Variants in DPF2 observed in about 807,000 individuals in gnomAD.
DPF2 encodes the protein zinc finger protein ubi-d4.
Under a neutral mutation model 59.6 loss-of-function variants are expected in DPF2, and 10 were observed. That is an observed-to-expected ratio of 0.17 (90% confidence interval 0.10 to 0.28). DPF2 has a LOEUF of 0.28. Among genes scored for constraint, DPF2 ranks in the 10% least tolerant of loss-of-function variants. The probability of loss-of-function intolerance (pLI) is 1.00; values close to 1 mark genes in which losing one functional copy is unlikely to be tolerated. For missense variants in DPF2, 315 were observed against 509.4 expected, an observed-to-expected ratio of 0.62 and a Z score of 3.67; for synonymous variants, 189 against 190.6, an observed-to-expected ratio of 0.99 and a Z score of 0.07.
chr11:65,344,628 C>T (rs1379934103), intron 6 of DPF2: 3 of 1,535,890 alleles, frequency 2.0e-6, no homozygotes, highest in South Asian at 2.4e-5. Context: ...AGAGGTAGCT[C>T]TCTCAACTTT....
chr11:65,351,315 T>C (rs886990608), intron 10 of DPF2, among the ~76,000 whole-genome samples: 2 of 152,204 alleles, frequency 1.3e-5, no homozygotes, highest in Non-Finnish European at 2.9e-5. Context: ...GGGACAATTA[T>C]TTTGTGTTTT....
At chr11:65,341,303 A>G in intron 3 of DPF2, 96 bp from the exon 4 acceptor site, 1 of 1,541,976 alleles carries the variant, frequency 6.5e-7, no homozygotes, top group Non-Finnish European at 8.8e-7. Flanking sequence ...AACAAAAGAT[A>G]GTGACAGACC....
chr11:65,345,733 G>A lies in DPF2; in HGVS notation c.705G>A (p.Glu235=). Residue 235 remains glutamate, a synonymous_variant, in exon 7 of 11, where the codon GAG becomes GAA. Transcript: ENST00000528416. ...ACTATGCCCACTCCCACTTGGCTGA[G>A]GAGGAGGGCGAGGACAAGGAAGACT... ...SYHYAHSHLA[E]EEGEDKEDSQ... The A allele has an allele frequency of 6.2e-7, 1 of 1,614,184 alleles. No homozygotes were observed. The highest frequency in any genetic ancestry group is 8.5e-7 in the Non-Finnish European group (1 of 1,180,032).
rs575071297 is a variant in DPF2, at chr11:65,344,410, G to A, written c.637+341G>A. On this transcript the variant is annotated intron_variant, in intron 6 of 10. Transcript: ENST00000528416. ...GGGGTCTGACACTGAGTTTTTCAAC[G>A]TCTGTTCTCTTTTTCTTTCTGTCTG... The A allele has an allele frequency of 1.4e-3, 912 of 667,966 alleles. 20 individuals are homozygous for A. The South Asian group carries it at 0.017, about 13-fold the overall frequency. The allele number at this position is 667,966 out of a possible 1,614,324, so 41.4% of individuals were successfully genotyped here.
At position 65,354,238 on chromosome 11, in the gene DPF2, C is replaced by G. The variant is rs1017862673; in HGVS notation, c.*2479C>G. 1.3e-5 allele frequency among the ~76,000 whole-genome samples: 2 copies of G among 152,200 alleles called. No individual in the cohort carries two copies. Among genetic ancestry groups the G allele is most frequent in the South Asian group, 2.1e-4 (1 of 4,828 alleles). The stretch of plus-strand genomic sequence containing the variant: ...ACTTGAATCTTGTAAAGTACCAAAT[C>G]TAATAAAATACTCGTCCTAAATCAT... On this transcript the variant is annotated 3_prime_UTR_variant, in exon 11 of 11. Coordinates refer to ENST00000528416, the MANE Select transcript of DPF2 (RefSeq NM_006268.5).
At position 65,352,076 on chromosome 11, in the gene DPF2, G is replaced by C; in HGVS notation, c.*317G>C. On this transcript the variant is annotated 3_prime_UTR_variant, in exon 11 of 11. Coordinates refer to ENST00000528416, the MANE Select transcript of DPF2 (RefSeq NM_006268.5). ...CTGGTGATCACAGGGTTCAAACAGT[G>C]TCCTCCTAGAAAGAGTGGGAGAGCA... 2.8e-6 allele frequency: 1 copy of C among 354,372 alleles called. No homozygotes were observed. Among genetic ancestry groups the C allele is most frequent in the East Asian group, 5.7e-5 (1 of 17,678 alleles). The allele number at this position is 354,372 out of a possible 1,614,324, so 22.0% of individuals were successfully genotyped here.
In DPF2 at chr11:65,341,491, G is replaced by A. The variant is rs771127121; in HGVS notation, c.394G>A (p.Gly132Ser). Residue 132 changes from glycine to serine, a missense_variant, in exon 4 of 11, where the codon GGT (glycine) becomes AGT (serine). Gly to Ser is a moderately conservative substitution (Grantham distance 56). This residue lies in a region of DPF2 where 228 missense variants were observed against 275.3 expected (regional missense o/e 0.83). Coordinates refer to ENST00000528416, the MANE Select transcript of DPF2 (RefSeq NM_006268.5). ...GCGCACTGACCCCCTGGAGAAGCGA[G>A]GTGCCCCGGATCCCCGAGTTGATGA... ...LLRTDPLEKR[G>S]APDPRVDDDS... 6.2e-7 allele frequency: 1 copy of A among 1,614,228 alleles called. No homozygotes were observed. The highest frequency in any genetic ancestry group is 8.5e-7 in the Non-Finnish European group (1 of 1,180,046).
rs746954424 is a variant in DPF2, at chr11:65,344,029, T to G, written c.597T>G (p.Ala199=). 1 of 1,614,212 alleles carries G rather than the reference T, an allele frequency of 6.2e-7. No homozygotes were observed. Among genetic ancestry groups the G allele is most frequent in the Non-Finnish European group, 8.5e-7 (1 of 1,180,036 alleles). The change falls in exon 6 of 11, where the codon GCT becomes GCG. Residue 199 remains alanine (A), a synonymous_variant. Transcript: ENST00000528416. ...GVGSARKKLD[A]SILEDRDKPY... ...GCAGTGCCCGTAAGAAGCTGGATGCTTCCATCCTGGAGGACCGGGATAAGC... is the reference window on the plus strand; with the variant it reads ...GCAGTGCCCGTAAGAAGCTGGATGCGTCCATCCTGGAGGACCGGGATAAGC...
chr11:65,341,003 G>A lies in DPF2; in HGVS notation c.231G>A (p.Arg77=). 6.2e-7 allele frequency: 1 copy of A among 1,614,114 alleles called. No individual in the cohort carries two copies. Among genetic ancestry groups the A allele is most frequent in the South Asian group, 1.1e-5 (1 of 91,084 alleles). ...GACAGCTGTACTCCTACCCTGCCCG[G>A]CGCTGGCGGAAAAAGCGGCGAGCCC... ...ASGQLYSYPA[R]RWRKKRRAHP... Residue 77 remains arginine, a synonymous_variant, in exon 3 of 11, where the codon CGG becomes CGA. Coordinates refer to ENST00000528416, the MANE Select transcript of DPF2 (RefSeq NM_006268.5).
intron 6 of DPF2, chr11:65,344,700 T>C (rs560273905): frequency 1.4e-6 from 2 of 1,440,822 alleles, no homozygotes; most frequent in East Asian, 5.0e-5. Context: ...CCTTTCTCAT[T>C]TCCTGGGATG....
chr11:65,341,143 T>C (rs1854358571), intron 3 of DPF2, 70 bp downstream of exon 3: 4 of 1,509,868 alleles, frequency 2.6e-6, no homozygotes, highest in Middle Eastern at 1.8e-4. Context: ...CACTGTGATA[T>C]ACCAGGCCCA....
chr11:65,337,504 T>TATATAGAGAGAGAGAGAGCGAG (rs1282367012), intron 1 of DPF2, among the ~76,000 whole-genome samples: 1 of 21,398 alleles, frequency 4.7e-5, no homozygotes, highest in Admixed American at 8.6e-4. Context: ...TATATATATA[T>TATATAGAGAGAGAGAGAGCGAG]AGAGAGAGAG....
intron 4 of DPF2, among the ~76,000 whole-genome samples, chr11:65,342,471 C>T (rs937213911): frequency 4.6e-5 from 7 of 152,078 alleles, no homozygotes; most frequent in African/African-American, 1.2e-4. Flanking sequence ...AAACTTTTAT[C>T]CCTAAGTGCT....
intron 4 of DPF2, among the ~76,000 whole-genome samples, chr11:65,342,538 G>A (rs1385667766): frequency 6.6e-6 from 1 of 152,226 alleles, no homozygotes. Context: ...AGGTTACACA[G>A]TGAAGCACAC....
At chr11:65,337,821 T>C (rs1854248357) in intron 1 of DPF2, among the ~76,000 whole-genome samples, 1 of 152,116 alleles carries the variant, frequency 6.6e-6, no homozygotes, top group South Asian at 2.1e-4. Flanking sequence ...TTATTTTTTT[T>C]GAGACAGAGT....
Position 65,346,241 on chromosome 11 carries a change from C to T in DPF2, c.905-6C>T, listed in dbSNP as rs757960859. ...CTGTCTGTCTCACTCACTTCCCCCA[C>T]TACAGGGCATCCATCTTGCCTCCAA... On this transcript the variant is annotated splice_region_variant and splice_polypyrimidine_tract_variant and intron_variant, in intron 8 of 10. Coordinates refer to ENST00000528416, the MANE Select transcript of DPF2 (RefSeq NM_006268.5). 10 of 1,613,812 alleles carry T rather than the reference C, an allele frequency of 6.2e-6. No homozygotes were observed. Among genetic ancestry groups the T allele is most frequent in the South Asian group, 4.4e-5 (4 of 91,062 alleles).
chr11:65,341,738 G>C, intron 4 of DPF2, 176 bp downstream of exon 4: 1 of 758,690 alleles, frequency 1.3e-6, no homozygotes, highest in Non-Finnish European at 2.1e-6. Flanking sequence ...CTTCTCTGTT[G>C]CTTCTAACTA....
rs1950063132 is a variant in DPF2 at position 65,333,987 on chromosome 11, G to T, written c.32+69G>T. The T allele has an allele frequency of 4.4e-6, 7 of 1,588,036 alleles. No homozygotes were observed. The Admixed American group carries it at 1.3e-4, about 29-fold the overall frequency. ...AAGGGCCTGGGAGTAGGGGGCGGTG[G>T]GGGAAGGGACTAGGCGGAGAGAGGG... is the stretch of plus-strand genomic sequence containing the variant. On this transcript the variant is annotated intron_variant, in intron 1 of 10. Transcript: ENST00000528416.
At chr11:65,341,314 T>C in intron 3 of DPF2, 85 bp from the exon 4 acceptor site, 1 of 1,574,584 alleles carries the variant, frequency 6.4e-7, no homozygotes, top group Non-Finnish European at 8.7e-7. Context: ...GTGACAGACC[T>C]TTGGTAAGCC....
Sources: allele counts gnomAD v4.1 joint callset (sites outside exome capture counted in the v4.1 genomes callset), GRCh38; gene constraint gnomAD v4.1.1; regional missense constraint gnomAD v4.1.1; transcripts MANE v1.5; gene names NCBI Gene and HGNC (gene_info 2026-07-23, HGNC 2026-07-21).